The following AGBL4 variants were observed in gnomAD, a reference collection of about 807,000 sequenced individuals.
AGBL4 encodes cytosolic carboxypeptidase 6.
Under a neutral mutation model 66.4 loss-of-function variants are expected in AGBL4, and 58 were observed. That is an observed-to-expected ratio of 0.87 (90% CI 0.71 to 1.09). The LOEUF is 1.09. Ranked by LOEUF, AGBL4 falls within the 50% of genes least tolerant of loss-of-function variation. AGBL4 has a pLI of 0.00. For missense variants in AGBL4, 579 were observed against 631.0 expected (o/e 0.92, Z 0.88); for synonymous variants, 234 against 222.9 (o/e 1.05, Z -0.44).
At chr1:48,560,438 G>A (rs1644380527) in intron 11 of AGBL4, among the ~76,000 whole-genome samples, 1 of 152,202 alleles carries the variant, frequency 6.6e-6, no homozygotes, top group Admixed American at 6.5e-5. Context: ...TGAGTCTTGT[G>A]AGGTTATAGA....
intron 4 of AGBL4, among the ~76,000 whole-genome samples, chr1:49,107,193 G>T (rs1286914812): frequency 6.6e-6 from 1 of 152,044 alleles, no homozygotes; most frequent in Non-Finnish European, 1.5e-5. Flanking sequence ...TACTCATATA[G>T]CCATTCTATA....
At chr1:48,524,767 AG>A in the AGBL4 span, among the ~76,000 whole-genome samples, 1 of 152,134 alleles carries the variant, frequency 6.6e-6, no homozygotes, top group East Asian at 1.9e-4. Flanking sequence ...ACATAATGGT[AG>A]CACACACACA....
chr1:49,492,081 T>C (rs1442188977), intron 3 of AGBL4, among the ~76,000 whole-genome samples: 2 of 151,908 alleles, frequency 1.3e-5, no homozygotes, highest in African/African-American at 4.8e-5. Flanking sequence ...CATTTCTTGT[T>C]ATGATGTGAG....
chr1:48,526,149 T>C, the AGBL4 span, among the ~76,000 whole-genome samples: 4 of 152,202 alleles, frequency 2.6e-5, no homozygotes, highest in African/African-American at 9.7e-5. Context: ...AATGAGGTCA[T>C]GCACAGGAAC....
At chr1:49,964,397 C>T (rs555076708) in intron 1 of AGBL4, among the ~76,000 whole-genome samples, 93 of 152,074 alleles carry the variant, frequency 6.1e-4, no homozygotes, top group Non-Finnish European at 9.9e-4. Context: ...TGTGTAAAAG[C>T]CTTAACGTAG....
At position 48,654,515 on chromosome 1, in the gene AGBL4, A is replaced by G. The variant is rs1645987181; in HGVS notation, c.725-1064T>C. 2.6e-5 allele frequency among the ~76,000 whole-genome samples: 4 copies of G among 152,368 alleles called. No individual in the cohort carries two copies. The South Asian group carries it at 8.3e-4, about 32-fold the overall frequency. On this transcript the variant is annotated intron_variant, in intron 7 of 13. Coordinates refer to ENST00000371839, the MANE Select transcript of AGBL4 (RefSeq NM_032785.4). ...TCCATGAAATTACTATAATGCCAGA[A>G]AGTGATAGGAGAATGCAAAACCCTC...
intron 8 of AGBL4, among the ~76,000 whole-genome samples, chr1:48,648,928 C>T (rs770246786): frequency 6.6e-6 from 1 of 152,210 alleles, no homozygotes; most frequent in Non-Finnish European, 1.5e-5. Flanking sequence ...GGGCTGACTG[C>T]ATCTGGCCCT....
intron 7 of AGBL4, among the ~76,000 whole-genome samples, chr1:48,654,818 A>T (rs1015877283): frequency 6.6e-5 from 10 of 152,204 alleles, no homozygotes; most frequent in African/African-American, 2.4e-4. Context: ...AGCCAGTTGG[A>T]CATCATTTAC....
intron 1 of AGBL4, among the ~76,000 whole-genome samples, chr1:49,873,306 T>C (rs776234900): frequency 6.6e-6 from 1 of 152,002 alleles, no homozygotes; most frequent in East Asian, 1.9e-4. Flanking sequence ...GAATAAACTG[T>C]CCTAGCCAGG....
At chr1:48,857,345 T>C (rs1647199482) in intron 6 of AGBL4, among the ~76,000 whole-genome samples, 1 of 152,232 alleles carries the variant, frequency 6.6e-6, no homozygotes, top group Non-Finnish European at 1.5e-5. Context: ...GTTAGACTCC[T>C]ACCTTACATA....
intron 3 of AGBL4, among the ~76,000 whole-genome samples, chr1:49,280,070 AT>A (rs1357997197): frequency 1.3e-5 from 2 of 151,954 alleles, no homozygotes; most frequent in African/African-American, 2.4e-5. Flanking sequence ...TCTTTTCAGG[AT>A]TTTTTTGCAT....
intron 3 of AGBL4, among the ~76,000 whole-genome samples, chr1:49,574,010 C>T (rs1644386300): frequency 6.6e-6 from 1 of 152,244 alleles, no homozygotes; most frequent in Non-Finnish European, 1.5e-5. Flanking sequence ...GTGATGGCCT[C>T]CCCTGAGGCA....
At chr1:49,443,543 T>G (rs965045968) in intron 3 of AGBL4, among the ~76,000 whole-genome samples, 12 of 151,994 alleles carry the variant, frequency 7.9e-5, no homozygotes, top group African/African-American at 2.9e-4. Context: ...CATTATAAGC[T>G]CTTGTGTTTT....
intron 3 of AGBL4, among the ~76,000 whole-genome samples, chr1:49,611,521 G>A (rs142870412): frequency 0.024 from 3,618 of 151,816 alleles, 118 homozygotes; most frequent in African/African-American, 0.083. Flanking sequence ...GACTACAGGC[G>A]TCCGCCACCA....
intron 3 of AGBL4, among the ~76,000 whole-genome samples, chr1:49,286,050 G>C (rs1223051443): frequency 6.6e-6 from 1 of 152,124 alleles, no homozygotes; most frequent in Non-Finnish European, 1.5e-5. Context: ...ATGCAAGGCT[G>C]GTTCAATATA....
At chr1:49,988,616 T>C (rs1387501121) in intron 1 of AGBL4, among the ~76,000 whole-genome samples, 2 of 152,222 alleles carry the variant, frequency 1.3e-5, no homozygotes, top group Non-Finnish European at 2.9e-5. Flanking sequence ...TTTCAACTCA[T>C]AATGGCCCTG....
At chr1:49,247,512 C>T (rs990697298) in intron 3 of AGBL4, among the ~76,000 whole-genome samples, 2 of 152,042 alleles carry the variant, frequency 1.3e-5, no homozygotes, top group African/African-American at 2.4e-5. Flanking sequence ...AGGGTCTTGG[C>T]TAGTATCTGA....
chr1:49,160,878 A>G (rs1646527773), intron 4 of AGBL4, among the ~76,000 whole-genome samples: 1 of 152,166 alleles, frequency 6.6e-6, no homozygotes, highest in Non-Finnish European at 1.5e-5. Flanking sequence ...CTCAAGCCTC[A>G]GCAATGGCCA....
intron 2 of AGBL4, among the ~76,000 whole-genome samples, chr1:49,710,404 A>G (rs1437059830): frequency 1.3e-5 from 2 of 152,116 alleles, no homozygotes; most frequent in Non-Finnish European, 2.9e-5. Context: ...CCATATGGGT[A>G]CAGGGAAGGG....
Sources: gnomAD v4.1 joint callset for allele counts (sites outside exome capture counted in the v4.1 genomes callset) on GRCh38, gnomAD v4.1.1 for gene constraint, MANE v1.5 for transcripts, NCBI Gene and HGNC (gene_info 2026-07-23, HGNC 2026-07-21) for gene names.